CEP290: variants seen among roughly 807,000 people sequenced by gnomAD.
CEP290 encodes the protein centrosomal protein 290.
In CEP290, 317 loss-of-function variants were observed where a neutral mutation model predicts 344.9. The observed-to-expected ratio is 0.92, with a 90% CI of 0.84 to 1.01. The LOEUF (loss-of-function observed/expected upper bound fraction) is 1.01, where lower values mean the gene tolerates loss of function less well. CEP290 is among the 50% of genes least tolerant of loss of function. The pLI, the probability that CEP290 is intolerant of heterozygous loss-of-function variation, is 0.00. For missense variants in CEP290, 2,754 were observed against 2,761.4 expected (o/e 1.00, Z 0.06); for synonymous variants, 932 against 895.8 (o/e 1.04, Z -0.72).
In CEP290 at chr12:88,121,296, T is replaced by G. The variant is rs575041799; in HGVS notation, c.1190-130A>C. ...TCCTTTAAAGTTGTCATTTTATATT[T>G]GTAAGATGAAAGTTTTGTTTTGGTT... On this transcript the variant is annotated intron_variant, in intron 13 of 53. Coordinates refer to ENST00000552810, the MANE Select transcript of CEP290 (RefSeq NM_025114.4). The G allele has an allele frequency of 1.5e-4, 99 of 662,198 alleles. 2 individuals are homozygous for G. In the South Asian group the frequency reaches 2.2e-3, roughly 15 times the overall value. 41.0% of individuals were successfully genotyped at this position (662,198 alleles called of 1,614,324 possible). A position where few individuals can be genotyped will look rare whatever the true frequency, so the allele number is the denominator to read the frequency against.
intron 26 of CEP290, 34 bp from the exon 27 acceptor site, chr12:88,097,033 A>T (rs1447449370): frequency 3.7e-6 from 4 of 1,087,540 alleles, no homozygotes; most frequent in Non-Finnish European, 4.0e-6. Context: ...AAGAAACTAC[A>T]TTGTAATTCA....
intron 22 of CEP290, among the ~76,000 whole-genome samples, chr12:88,110,778 G>C (rs1426582610): frequency 1.3e-5 from 2 of 152,118 alleles, no homozygotes; most frequent in African/African-American, 2.4e-5. Flanking sequence ...AAAAAGCCTT[G>C]ACAGACTTTA....
intron 22 of CEP290, among the ~76,000 whole-genome samples, chr12:88,110,106 A>C (rs1335042762): frequency 6.6e-6 from 1 of 152,146 alleles, no homozygotes; most frequent in African/African-American, 2.4e-5. Context: ...ATTATAACTC[A>C]AGTATACTCA....
intron 6 of CEP290, among the ~76,000 whole-genome samples, chr12:88,134,681 T>C (rs1474363870): frequency 6.6e-6 from 1 of 152,198 alleles, no homozygotes; most frequent in East Asian, 1.9e-4. Context: ...TCTTCATCTG[T>C]ATCATGGCAG....
chr12:88,091,776 C>A (rs1479012044), intron 29 of CEP290, among the ~76,000 whole-genome samples: 1 of 151,968 alleles, frequency 6.6e-6, no homozygotes, highest in African/African-American at 2.4e-5. Flanking sequence ...TATGAGTAGG[C>A]CATAAAATAT....
Position 88,111,365 on chromosome 12 carries a change from T to A in CEP290, c.2218-14A>T. The A allele has an allele frequency of 6.4e-7, 1 of 1,556,736 alleles. No individual in the cohort carries two copies. The highest frequency in any genetic ancestry group is 8.7e-7 in the Non-Finnish European group (1 of 1,152,904). ...AAGATGGTCTATCTGGAAAAAAAAATCCAGCAATGAGAATCACAACTCTTA... is the reference window on the plus strand; with the variant it reads ...AAGATGGTCTATCTGGAAAAAAAAAACCAGCAATGAGAATCACAACTCTTA... On this transcript the variant is annotated splice_polypyrimidine_tract_variant and intron_variant, in intron 21 of 53. Coordinates refer to ENST00000552810, the MANE Select transcript of CEP290 (RefSeq NM_025114.4).
Position 88,049,356 on chromosome 12 carries a change from T to C in CEP290, c.7268A>G (p.Glu2423Gly), listed in dbSNP as rs1264656685. The C allele has an allele frequency of 1.3e-6, 2 of 1,574,344 alleles. No homozygotes were observed. The highest frequency in any genetic ancestry group is 1.4e-5 in the African/African-American group (1 of 73,550). The stretch of plus-strand genomic sequence containing the variant: ...GTAATTATACTTAAGATCTTCAATT[T>C]CTTCAAAAAATGAAGGATCAAAATT... Reference protein sequence around the residue: ...LENFDPSFFEEIEDLKYNYKE... With the variant: ...LENFDPSFFEGIEDLKYNYKE... Residue 2423 changes from glutamate to glycine, a missense_variant, in exon 54 of 54, where the codon GAA (glutamate) becomes GGA (glycine). Transcript: ENST00000552810.
chr12:88,066,149 G>A (rs2034910394), intron 44 of CEP290, among the ~76,000 whole-genome samples: 1 of 152,090 alleles, frequency 6.6e-6, no homozygotes, highest in African/African-American at 2.4e-5. Flanking sequence ...TTAGGTGACT[G>A]GAATATCTCA....
intron 49 of CEP290, 127 bp from the exon 50 acceptor site, chr12:88,055,844 G>T (rs2033958567): frequency 2.9e-6 from 2 of 680,172 alleles, no homozygotes; most frequent in Non-Finnish European, 4.6e-6. Context: ...TCTAGTCAAA[G>T]TTTTAGCTAC....
Position 88,060,120 on chromosome 12 carries a change from C to A in CEP290, c.6523-100G>T. 3 of 1,057,928 alleles carry A rather than the reference C, an allele frequency of 2.8e-6. No individual in the cohort carries two copies. In the South Asian group the frequency reaches 4.9e-5, roughly 17 times the overall value. The allele number at this position is 1,057,928 out of a possible 1,614,324, so 65.5% of individuals were successfully genotyped here. A position where few individuals can be genotyped will look rare whatever the true frequency, so the allele number is the denominator to read the frequency against. ...TAAATCTTCAAAGTAGTTTTAGAAA[C>A]CATATTTGATATGATTAGAATTAAA... is the stretch of plus-strand genomic sequence containing the variant. On this transcript the variant is annotated intron_variant, in intron 47 of 53. Transcript: ENST00000552810.
intron 25 of CEP290, among the ~76,000 whole-genome samples, chr12:88,106,145 T>C (rs949253257): frequency 1.1e-4 from 16 of 152,218 alleles, no homozygotes; most frequent in African/African-American, 3.9e-4. Context: ...TATAGAACAC[T>C]ACTTATGAAG....
At position 88,120,142 on chromosome 12, in the gene CEP290, A is replaced by T; in HGVS notation, c.1494T>A (p.Asp498Glu). The change falls in exon 15 of 54, where the codon GAT (aspartate) becomes GAA (glutamate). Residue 498 changes from aspartate to glutamate, a missense_variant. Transcript: ENST00000552810. ...CACGCTCTCTAAGTGCCTCATTTTC[A>T]TCAAGGAAATCACTGATCTTCAATT... ...KLELKISDFLDENEALRERVG... is the reference protein window; with the variant it reads ...KLELKISDFLEENEALRERVG... 6.5e-7 allele frequency: 1 copy of T among 1,547,450 alleles called. No individual in the cohort carries two copies. The highest frequency in any genetic ancestry group is 2.4e-5 in the East Asian group (1 of 41,772).
Position 88,118,525 on chromosome 12 carries a change from G to A in CEP290, c.1669C>T (p.Arg557Cys), listed in dbSNP as rs561018129. The stretch of plus-strand genomic sequence containing the variant: ...TTTCCTCTTTCTTGAGCCATTTGAC[G>A]AATTTTTTTTTTCAGATCAAGTCGT... The part of the protein sequence containing the change: ...EERLDLKKKI[R>C]QMAQERGKRS... The change falls in exon 17 of 54, where the codon CGT (arginine) becomes TGT (cysteine). Residue 557 changes from arginine to cysteine, a missense_variant. Coordinates refer to ENST00000552810, the MANE Select transcript of CEP290 (RefSeq NM_025114.4). 6.7e-5 allele frequency: 105 copies of A among 1,574,078 alleles called. No individual in the cohort carries two copies. The highest frequency in any genetic ancestry group is 3.9e-4 in the East Asian group (17 of 43,474).
chr12:88,055,531 T>C (rs1437110897), intron 50 of CEP290, 45 bp downstream of exon 50: 3 of 1,483,508 alleles, frequency 2.0e-6, no homozygotes, highest in African/African-American at 2.8e-5. Context: ...CATCTTGCGA[T>C]ATTATGCATT....
chr12:88,071,900 C>T lies in CEP290; in HGVS notation c.5736G>A (p.Trp1912Ter), dbSNP rs776303588. Reference protein sequence around the residue: ...EKNAKEELIRWEEGKKWQAKI... With the variant: ...EKNAKEELIR ...TGGCTTGCCACTTTTTACCTTCTTCCCACCTAATTAATTCTTCTTTAGCAT... is the reference window on the plus strand; with the variant it reads ...TGGCTTGCCACTTTTTACCTTCTTCTCACCTAATTAATTCTTCTTTAGCAT... Residue 1912 changes from tryptophan (W) to a stop codon, truncating the protein, a stop_gained, in exon 42 of 54, where the codon TGG becomes TGA. Coordinates refer to ENST00000552810, the MANE Select transcript of CEP290 (RefSeq NM_025114.4). LOFTEE classifies it high-confidence loss of function. 4.4e-6 allele frequency: 7 copies of T among 1,599,056 alleles called. No homozygotes were observed. Among genetic ancestry groups the T allele is most frequent in the Non-Finnish European group, 2.6e-6 (3 of 1,174,300 alleles).
intron 11 of CEP290, among the ~76,000 whole-genome samples, chr12:88,128,733 T>C (rs765963587): frequency 6.1e-4 from 93 of 152,164 alleles, no homozygotes; most frequent in Non-Finnish European, 5.6e-4. Context: ...GTTAAACTCA[T>C]TGATGTGAAA....
At position 88,130,395 on chromosome 12, in the gene CEP290, A is replaced by G. The variant is rs747783237; in HGVS notation, c.542T>C (p.Ile181Thr). 6.2e-7 allele frequency: 1 copy of G among 1,608,378 alleles called. No homozygotes were observed. Among genetic ancestry groups the G allele is most frequent in the Non-Finnish European group, 8.5e-7 (1 of 1,178,232 alleles). ...KKNEQLCQDI[I>T]DYQKQIDSQK... ...TGAATCTATTTGTTTCTGGTAGTCA[A>G]TAATATCCTGACAAAGTTGTTCATT... Residue 181 changes from isoleucine to threonine, a missense_variant, in exon 9 of 54, where the codon ATT becomes ACT. Transcript: ENST00000552810.
intron 44 of CEP290, among the ~76,000 whole-genome samples, chr12:88,067,749 T>C (rs1324680341): frequency 6.6e-6 from 1 of 152,214 alleles, no homozygotes; most frequent in African/African-American, 2.4e-5. Flanking sequence ...TTTGTTGACG[T>C]AAATTGACTT....
chr12:88,120,256 A>G lies in CEP290; in HGVS notation c.1380T>C (p.Asp460=). Residue 460 remains aspartate, a synonymous_variant, in exon 15 of 54, where the codon GAT becomes GAC. Transcript: ENST00000552810. ...TACAATTCTTTATTTCAACGACAGC[A>G]TCTTCTAAACCATATACTCCCTGAA... is the stretch of plus-strand genomic sequence containing the variant. ...DYESGVYGLE[D]AVVEIKNCKN... The G allele has an allele frequency of 6.9e-7, 1 of 1,455,774 alleles. No individual in the cohort carries two copies. Among genetic ancestry groups the G allele is most frequent in the Non-Finnish European group, 9.3e-7 (1 of 1,079,374 alleles). 90.2% of individuals were successfully genotyped at this position (1,455,774 alleles called of 1,614,324 possible).
Sources: gnomAD v4.1 joint callset for allele counts (sites outside exome capture counted in the v4.1 genomes callset) on GRCh38, gnomAD v4.1.1 for gene constraint, MANE v1.5 for transcripts, NCBI Gene and HGNC (gene_info 2026-07-23, HGNC 2026-07-21) for gene names.